Variants in ELMO1 observed in about 807,000 individuals in gnomAD.
The protein encoded by ELMO1 is engulfment and cell motility 1.
A neutral mutation model predicts 98.9 loss-of-function variants in ELMO1; 26 were observed. The observed-to-expected ratio is 0.26, with a 90% confidence interval of 0.19 to 0.36. ELMO1 has a LOEUF of 0.36. Among genes scored for constraint, ELMO1 ranks in the 10% least tolerant of loss-of-function variants. ELMO1 has a pLI of 1.00. For synonymous variants in ELMO1, 346 were observed against 346.0 expected (o/e 1.00, Z 0.00); for missense variants, 627 against 935.2 (o/e 0.67, Z 4.30).
intron 1 of ELMO1, among the ~76,000 whole-genome samples, chr7:37,415,347 A>T (rs966257065): frequency 6.6e-6 from 1 of 152,228 alleles, no homozygotes; most frequent in Admixed American, 6.5e-5. Flanking sequence ...CTGTATGTGC[A>T]TTTCTGTCTT....
intron 13 of ELMO1, among the ~76,000 whole-genome samples, chr7:37,167,905 G>A (rs1327092313): frequency 3.3e-5 from 5 of 152,048 alleles, no homozygotes; most frequent in Non-Finnish European, 7.4e-5. Context: ...GATTGGGGAA[G>A]TTCTCCTGGA....
intron 14 of ELMO1, among the ~76,000 whole-genome samples, chr7:37,120,711 C>T (rs1371481838): frequency 3.3e-5 from 5 of 152,156 alleles, no homozygotes; most frequent in Admixed American, 1.3e-4. Flanking sequence ...AAGGCATAGC[C>T]GAACAAAAGG....
chr7:37,170,130 C>A (rs1790049458), intron 13 of ELMO1, among the ~76,000 whole-genome samples: 1 of 152,184 alleles, frequency 6.6e-6, no homozygotes, highest in African/African-American at 2.4e-5. Context: ...GTCTCAAACT[C>A]CTGACCTCAG....
intron 1 of ELMO1, among the ~76,000 whole-genome samples, chr7:37,378,197 T>TG (rs1802436199): frequency 6.6e-6 from 1 of 152,166 alleles, no homozygotes; most frequent in South Asian, 2.1e-4. Flanking sequence ...CATGCTGGGA[T>TG]GGGGACTCTG....
intron 18 of ELMO1, among the ~76,000 whole-genome samples, chr7:36,880,524 G>C (rs1278142335): frequency 6.6e-6 from 1 of 152,200 alleles, no homozygotes; most frequent in Non-Finnish European, 1.5e-5. Context: ...GGATAAATTT[G>C]TTTATCCAAT....
chr7:37,225,083 C>T (rs530159951), intron 8 of ELMO1, 53 bp from the exon 9 acceptor site: 22 of 1,601,732 alleles, frequency 1.4e-5, no homozygotes, highest in African/African-American at 8.0e-5. Context: ...AGAGCAGAGA[C>T]GTGGAGAAGG....
chr7:36,947,705 G>A (rs747960774), intron 16 of ELMO1, among the ~76,000 whole-genome samples: 1 of 152,078 alleles, frequency 6.6e-6, no homozygotes, highest in Non-Finnish European at 1.5e-5. Flanking sequence ...CCCTTCCTAA[G>A]CTGACCTGGC....
rs140778298 is a variant in ELMO1 at position 37,428,500 on chromosome 7, C to T, written c.-74+20175G>A. 3.9e-3 allele frequency among the ~76,000 whole-genome samples: 601 copies of T among 152,230 alleles called. 9 individuals are homozygous for T. Among genetic ancestry groups the T allele is most frequent in the African/African-American group, 0.013 (548 of 41,534 alleles). ...GCCAATCTCATCTGTGTCACCAGAG[C>T]GATAATCAGAATCCAGAACCTTGGA... On this transcript the variant is annotated intron_variant, in intron 1 of 21. Transcript: ENST00000310758.
At chr7:36,998,513 C>T (rs1211662340) in intron 16 of ELMO1, among the ~76,000 whole-genome samples, 1 of 151,952 alleles carries the variant, frequency 6.6e-6, no homozygotes, top group Non-Finnish European at 1.5e-5. Context: ...ATCTTAGGTG[C>T]ATTGTATACA....
At chr7:36,990,490 C>A (rs561401010) in intron 16 of ELMO1, among the ~76,000 whole-genome samples, 1 of 152,072 alleles carries the variant, frequency 6.6e-6, no homozygotes, top group African/African-American at 2.4e-5. Context: ...ATCACAGTAT[C>A]AAATACTCAG....
At chr7:37,409,012 T>C (rs1254545846) in intron 1 of ELMO1, among the ~76,000 whole-genome samples, 1 of 151,914 alleles carries the variant, frequency 6.6e-6, no homozygotes, top group African/African-American at 2.4e-5. Flanking sequence ...CATCGGGCCA[T>C]GGCACCGAAA....
chr7:37,361,892 G>A (rs1419083806), intron 1 of ELMO1, among the ~76,000 whole-genome samples: 7 of 152,150 alleles, frequency 4.6e-5, no homozygotes, highest in Non-Finnish European at 1.0e-4. Context: ...AGCCCAGGAG[G>A]TGGAGGTTGC....
intron 4 of ELMO1, among the ~76,000 whole-genome samples, chr7:37,298,069 T>C (rs143745343): frequency 2.6e-5 from 4 of 152,188 alleles, no homozygotes; most frequent in Non-Finnish European, 5.9e-5. Context: ...TTGAAGATAC[T>C]TGAGATTTTG....
chr7:37,038,949 T>C (rs547262922), intron 15 of ELMO1, among the ~76,000 whole-genome samples: 16 of 152,280 alleles, frequency 1.1e-4, no homozygotes, highest in African/African-American at 3.6e-4. Flanking sequence ...CTAAACCTAA[T>C]TACCTCCTAA....
At chr7:37,144,186 C>T (rs772539604) in intron 13 of ELMO1, among the ~76,000 whole-genome samples, 3 of 151,976 alleles carry the variant, frequency 2.0e-5, no homozygotes, top group Non-Finnish European at 2.9e-5. Context: ...AATTATGGAG[C>T]ATCACTACAT....
At chr7:37,192,970 GAT>G (rs374892700) in intron 13 of ELMO1, among the ~76,000 whole-genome samples, 361 of 40,010 alleles carry the variant, frequency 9.0e-3, no homozygotes, top group Middle Eastern at 0.044. Flanking sequence ...ATATATAGGA[GAT>G]ATATATATAT....
At chr7:37,052,317 T>C (rs1405131061) in intron 15 of ELMO1, among the ~76,000 whole-genome samples, 2 of 152,212 alleles carry the variant, frequency 1.3e-5, no homozygotes, top group Non-Finnish European at 2.9e-5. Flanking sequence ...TCAAAGCTAT[T>C]TCATTTCATG....
At position 37,409,600 on chromosome 7, in the gene ELMO1, C is replaced by A. The variant is rs547139445; in HGVS notation, c.-74+39075G>T. 5.9e-5 allele frequency among the ~76,000 whole-genome samples: 9 copies of A among 152,314 alleles called. No individual in the cohort carries two copies. The South Asian group carries it at 1.9e-3, about 32-fold the overall frequency. ...GGCTAATTGTTAGATGGGAACTCAG[C>A]CAGGCCCGTGGGCCAGAGGCCTCAA... On this transcript the variant is annotated intron_variant, in intron 1 of 21. Transcript: ENST00000310758.
Position 37,342,993 on chromosome 7 carries a change from C to A in ELMO1, c.-73-230G>T. ...CCCTTGAGTCAAAGCCGCCAGGAGA[C>A]GCTGCCCTGTGGGGCACGGCTTGCG... On this transcript the variant is annotated intron_variant, in intron 1 of 21. Coordinates refer to ENST00000310758, the MANE Select transcript of ELMO1 (RefSeq NM_014800.11). The surrounding 1 kb of genome is among the most constrained non-coding windows in gnomAD (Gnocchi z 4.3). The A allele has an allele frequency of 8.9e-6, 3 of 336,132 alleles. No homozygotes were observed. In the East Asian group the frequency reaches 1.9e-4, roughly 21 times the overall value. The allele number at this position is 336,132 out of a possible 1,614,324, so 20.8% of individuals were successfully genotyped here.
Sources: allele counts gnomAD v4.1 joint callset (sites outside exome capture counted in the v4.1 genomes callset), GRCh38; gene constraint gnomAD v4.1.1; non-coding constraint Gnocchi (gnomAD v3.1); transcripts MANE v1.5; gene names NCBI Gene and HGNC (gene_info 2026-07-23, HGNC 2026-07-21).